BRIP1: variants seen among roughly 807,000 people sequenced by gnomAD.
The protein encoded by BRIP1 is Fanconi anemia group J protein.
A neutral mutation model predicts 119.7 loss-of-function variants in BRIP1; 88 were observed. The ratio of observed to expected loss-of-function variants is 0.74; its 90% CI spans 0.62 to 0.88. The LOEUF (loss-of-function observed/expected upper bound fraction) is 0.88, where lower values mean the gene tolerates loss of function less well. Ranked by LOEUF, BRIP1 falls within the 40% of genes least tolerant of loss-of-function variation. The pLI, the probability that BRIP1 is intolerant of heterozygous loss-of-function variation, is 0.00. For missense variants in BRIP1, 1,259 were observed against 1,455.4 expected (o/e 0.87, Z 2.20); for synonymous variants, 443 against 496.5 (o/e 0.89, Z 1.43).
chr17:61,840,124 C>T (rs2078635513), intron 6 of BRIP1, among the ~76,000 whole-genome samples: 1 of 152,014 alleles, frequency 6.6e-6, no homozygotes, highest in African/African-American at 2.4e-5. Flanking sequence ...TTTGGGAGGC[C>T]GAGGCAAACA....
In BRIP1 at chr17:61,751,057, C is replaced by T. The variant is rs923129876; in HGVS notation, c.2098-6466G>A. ...TGCTGATGTTTATAGAAGCATTATT[C>T]CCAATAACCAAATAGTGGAAACAAC... On this transcript the variant is annotated intron_variant, in intron 14 of 19. Transcript: ENST00000259008. This position sits in a 1 kb window ranked among gnomAD's most constrained non-coding sequence, Gnocchi z 6.7. Among the ~76,000 whole-genome samples, 6 of 152,192 alleles carry T rather than the reference C, an allele frequency of 3.9e-5. No homozygotes were observed. The South Asian group carries it at 1.2e-3, about 32-fold the overall frequency.
At position 61,683,806 on chromosome 17, in the gene BRIP1, A is replaced by G. The variant is rs1603275354; in HGVS notation, c.3240T>C (p.Asp1080=). The G allele has an allele frequency of 6.2e-7, 1 of 1,614,210 alleles. No homozygotes were observed. The highest frequency in any genetic ancestry group is 1.7e-5 in the Admixed American group (1 of 60,028). The change falls in exon 20 of 20, where the codon GAT becomes GAC. Residue 1080 remains aspartate (D), a synonymous_variant. Coordinates refer to ENST00000259008, the MANE Select transcript of BRIP1 (RefSeq NM_032043.3). This position sits in a 1 kb window ranked among gnomAD's most constrained non-coding sequence, Gnocchi z 4.7. ...AATGATTTTTTCTAGTAAGGGTGGC[A>G]TCAATCTTTAATGATGAAATAATGG... ...SETIISSLKI[D]ATLTRKNHSE...
At chr17:61,782,716 TC>T in intron 11 of BRIP1, among the ~76,000 whole-genome samples, 1 of 3,940 alleles carries the variant, frequency 2.5e-4, no homozygotes, top group East Asian at 0.045. Flanking sequence ...TAGATATTTC[TC>T]CAAAAAAAGA....
chr17:61,783,325 C>T (rs1296005591), intron 11 of BRIP1, among the ~76,000 whole-genome samples: 1 of 152,024 alleles, frequency 6.6e-6, no homozygotes, highest in African/African-American at 2.4e-5. Context: ...TGTATGATCG[C>T]TCTTATGTGA....
Position 61,825,706 on chromosome 17 carries a change from T to G in BRIP1, c.628-16949A>C, listed in dbSNP as rs1341761076. Among the ~76,000 whole-genome samples the G allele has an allele frequency of 6.6e-6, 1 of 151,612 alleles. No homozygotes were observed. The highest frequency in any genetic ancestry group is 1.5e-5 in the Non-Finnish European group (1 of 67,904). On this transcript the variant is annotated intron_variant, in intron 6 of 19. Transcript: ENST00000259008. This position sits in a 1 kb window ranked among gnomAD's most constrained non-coding sequence, Gnocchi z 4.1. ...TACAACTAACCAGGTAGGTGAAAGA[T>G]CTCTACAAAGGGAACTACAAAGCAC...
rs2061571677 is a variant in BRIP1, at chr17:61,699,048, T to G, written c.2493-5536A>C. On this transcript the variant is annotated intron_variant, in intron 17 of 19. Transcript: ENST00000259008. The surrounding 1 kb of genome is among the most constrained non-coding windows in gnomAD (Gnocchi z 4.8). ...TGTTAATTGTTTCTATTAACTTTTT[T>G]TTGTCTTAAGGGTCTATTTTATCTG... Among the ~76,000 whole-genome samples the G allele has an allele frequency of 6.6e-6, 1 of 152,198 alleles. No individual in the cohort carries two copies. The highest frequency in any genetic ancestry group is 6.5e-5 in the Admixed American group (1 of 15,282).
chr17:61,786,955 A>G (rs1481137758), intron 10 of BRIP1, among the ~76,000 whole-genome samples: 1 of 96,484 alleles, frequency 1.0e-5, no homozygotes, highest in Non-Finnish European at 1.8e-5. Context: ...TATATAATAT[A>G]TTTATATTAT....
chr17:61,802,679 C>T lies in BRIP1; in HGVS notation c.919-1205G>A, dbSNP rs1409412856. Among the ~76,000 whole-genome samples, 1 of 152,150 alleles carries T rather than the reference C, an allele frequency of 6.6e-6. No individual in the cohort carries two copies. The highest frequency in any genetic ancestry group is 1.5e-5 in the Non-Finnish European group (1 of 68,012). On this transcript the variant is annotated intron_variant, in intron 7 of 19. Transcript: ENST00000259008. This position sits in a 1 kb window ranked among gnomAD's most constrained non-coding sequence, Gnocchi z 6.0. ...GAATTAATGTGCCATAGCTGATGAA[C>T]CAGTTTTCTTATTACTGGGCTTATA...
rs1480467315 is a variant in BRIP1 at position 61,740,150 on chromosome 17, G to C, written c.2379+2863C>G. On this transcript the variant is annotated intron_variant, in intron 16 of 19. Coordinates refer to ENST00000259008, the MANE Select transcript of BRIP1 (RefSeq NM_032043.3). The surrounding 1 kb of genome is among the most constrained non-coding windows in gnomAD (Gnocchi z 5.4). ...CACAGCACAGAGCATTAAAGTACAAGCAGAGCGCAGTGGTCCTGTTGAGCT... is the reference window on the plus strand; with the variant it reads ...CACAGCACAGAGCATTAAAGTACAACCAGAGCGCAGTGGTCCTGTTGAGCT... 6.6e-6 allele frequency among the ~76,000 whole-genome samples: 1 copy of C among 152,042 alleles called. No homozygotes were observed. The highest frequency in any genetic ancestry group is 1.5e-5 in the Non-Finnish European group (1 of 68,016).
intron 17 of BRIP1, among the ~76,000 whole-genome samples, chr17:61,714,999 A>C (rs890414735): frequency 2.6e-5 from 4 of 151,958 alleles, no homozygotes; most frequent in Non-Finnish European, 4.4e-5. Flanking sequence ...CAGGAGTTCC[A>C]GACCAGCCTG....
Position 61,760,294 on chromosome 17 carries a change from C to T in BRIP1, c.2098-15703G>A, listed in dbSNP as rs1254492171. On this transcript the variant is annotated intron_variant, in intron 14 of 19. Coordinates refer to ENST00000259008, the MANE Select transcript of BRIP1 (RefSeq NM_032043.3). The surrounding 1 kb of genome is among the most constrained non-coding windows in gnomAD (Gnocchi z 4.6). ...ACATACCAAAACTTAAGGGATGCAG[C>T]AAACGTAGTCCTAAGAGGAAAGTTT... 6.6e-6 allele frequency among the ~76,000 whole-genome samples: 1 copy of T among 151,796 alleles called. No homozygotes were observed. Among genetic ancestry groups the T allele is most frequent in the African/African-American group, 2.4e-5 (1 of 41,398 alleles).
Position 61,780,954 on chromosome 17 carries a change from A to G in BRIP1, c.1680T>C (p.Asn560=), listed in dbSNP as rs2145095721. The G allele has an allele frequency of 6.2e-7, 1 of 1,614,036 alleles. No individual in the cohort carries two copies. The highest frequency in any genetic ancestry group is 8.5e-7 in the Non-Finnish European group (1 of 1,180,004). The change falls in exon 12 of 20, where the codon AAT becomes AAC. Residue 560 remains asparagine, a synonymous_variant. Transcript: ENST00000259008. The surrounding 1 kb of genome is among the most constrained non-coding windows in gnomAD (Gnocchi z 5.4). The part of the protein sequence containing the change: ...IAIQQTYSWT[N]QIDISDKNGL... Reference sequence around the variant, plus strand: ...CATTTTTGTCTGAAATATCAATCTGATTTGTCCAGGAGTAAGTCTGTTGAA... The same window carrying G: ...CATTTTTGTCTGAAATATCAATCTGGTTTGTCCAGGAGTAAGTCTGTTGAA...
In BRIP1 at chr17:61,743,219, G is replaced by A. The variant is rs2144683008; in HGVS notation, c.2258-85C>T. 1.4e-6 allele frequency: 2 copies of A among 1,444,432 alleles called. No individual in the cohort carries two copies. The highest frequency in any genetic ancestry group is 2.4e-5 in the East Asian group (1 of 41,234). 89.5% of individuals were successfully genotyped at this position (1,444,432 alleles called of 1,614,324 possible). ...TGAAAATACCTGATTTATAATTATA[G>A]TAATTACAGTAGCAAATTTAAAATA... On this transcript the variant is annotated intron_variant, in intron 15 of 19. Transcript: ENST00000259008. The surrounding 1 kb of genome is among the most constrained non-coding windows in gnomAD (Gnocchi z 4.3).
At chr17:61,790,894 A>G (rs1456657796) in intron 10 of BRIP1, among the ~76,000 whole-genome samples, 2 of 152,076 alleles carry the variant, frequency 1.3e-5, no homozygotes, top group Admixed American at 6.5e-5. Context: ...GTCAAAGTGT[A>G]GGATTACTGG....
chr17:61,799,836 AT>A lies in BRIP1; in HGVS notation c.1141-538del. Among the ~76,000 whole-genome samples the A allele has an allele frequency of 6.6e-6, 1 of 152,168 alleles. No homozygotes were observed. Among genetic ancestry groups the A allele is most frequent in the East Asian group, 1.9e-4 (1 of 5,174 alleles). On this transcript the variant is annotated intron_variant, in intron 8 of 19. Transcript: ENST00000259008. This position sits in a 1 kb window ranked among gnomAD's most constrained non-coding sequence, Gnocchi z 5.1. ...ATCTGTCCTGCAATCCTTCTCCAAC[AT>A]GGGAGTTGGAGAATTGTTCTTCTCC...
chr17:61,788,803 A>C (rs1442824433), intron 10 of BRIP1, among the ~76,000 whole-genome samples: 2 of 152,072 alleles, frequency 1.3e-5, no homozygotes, highest in African/African-American at 2.4e-5. Flanking sequence ...AAAACATAAA[A>C]AAAATTAAGC....
At chr17:61,786,850 AATAT>A (rs2077720031) in intron 10 of BRIP1, among the ~76,000 whole-genome samples, 1 of 127,068 alleles carries the variant, frequency 7.9e-6, no homozygotes, top group South Asian at 2.2e-4. Flanking sequence ...ATTTATATAA[AATAT>A]ATATTCATAT....
intron 14 of BRIP1, among the ~76,000 whole-genome samples, chr17:61,765,427 T>A (rs867507575): frequency 2.8e-3 from 108 of 38,044 alleles, no homozygotes; most frequent in Non-Finnish European, 3.3e-3. Context: ...ATATATATTT[T>A]TTTTTTTTTT....
chr17:61,741,156 T>C (rs2076981928), intron 16 of BRIP1, among the ~76,000 whole-genome samples: 1 of 152,212 alleles, frequency 6.6e-6, no homozygotes, highest in South Asian at 2.1e-4. Context: ...AGAAACCACT[T>C]TCTTTGCTCA....
Sources: gnomAD v4.1 joint callset for allele counts (sites outside exome capture counted in the v4.1 genomes callset) on GRCh38, gnomAD v4.1.1 for gene constraint, Gnocchi (gnomAD v3.1) non-coding constraint, MANE v1.5 for transcripts, NCBI Gene and HGNC (gene_info 2026-07-23, HGNC 2026-07-21) for gene names.